Variants in SMIM21 observed in about 807,000 individuals in gnomAD.
The protein encoded by SMIM21 is chromosome 18 open reading frame 62.
Under a neutral mutation model 8.6 loss-of-function variants are expected in SMIM21, and 8 were observed. The ratio of observed to expected loss-of-function variants is 0.93; its 90% CI spans 0.55 to 1.68. The LOEUF is 1.68. SMIM21 is among the 40% of genes most tolerant of loss of function. The probability of loss-of-function intolerance (pLI) is 0.00; values close to 1 mark genes in which losing one functional copy is unlikely to be tolerated. For missense variants in SMIM21, 132 were observed against 123.0 expected (o/e 1.07, Z -0.35); for synonymous variants, 43 against 41.7 (o/e 1.03, Z -0.12).
At chr18:75,422,097 C>T (rs2024714628) in intron 1 of SMIM21, among the ~76,000 whole-genome samples, 1 of 152,128 alleles carries the variant, frequency 6.6e-6, no homozygotes, top group African/African-American at 2.4e-5. Context: ...AGTAGTCCAG[C>T]CAAAGCCGCC....
intron 1 of SMIM21, chr18:75,419,135 T>A (rs1429485194): frequency 2.8e-6 from 1 of 354,528 alleles, no homozygotes; most frequent in Non-Finnish European, 5.1e-6. Context: ...ACTCTTGAGA[T>A]CTGCCGTGTA....
chr18:75,423,794 C>G (rs2024733317), intron 1 of SMIM21, among the ~76,000 whole-genome samples: 1 of 152,164 alleles, frequency 6.6e-6, no homozygotes, highest in Non-Finnish European at 1.5e-5. Context: ...TGGAGTATTT[C>G]TACTGTGATA....
intron 1 of SMIM21, among the ~76,000 whole-genome samples, chr18:75,422,120 C>A (rs528574829): frequency 6.6e-6 from 1 of 152,292 alleles, no homozygotes; most frequent in East Asian, 1.9e-4. Context: ...CCCAGCAGGG[C>A]CACTGGCCCA....
intron 1 of SMIM21, among the ~76,000 whole-genome samples, chr18:75,426,516 A>C (rs1599110961): frequency 2.6e-5 from 4 of 151,796 alleles, no homozygotes. Context: ...TCACTGTGTT[A>C]GCCAGGATAG....
Position 75,411,026 on chromosome 18 carries a change from T to C in SMIM21, c.261-117A>G, listed in dbSNP as rs941681425. The C allele has an allele frequency of 4.2e-6, 6 of 1,418,312 alleles. No individual in the cohort carries two copies. In the African/African-American group the frequency reaches 5.7e-5, roughly 13 times the overall value. 87.9% of individuals were successfully genotyped at this position (1,418,312 alleles called of 1,614,324 possible). A position where few individuals can be genotyped will look rare whatever the true frequency, so the allele number is the denominator to read the frequency against. ...ATGAACACATTTTAAAATTTAATTT[T>C]TCCCCCCAAGATTTTGGAGTGTTTT... On this transcript the variant is annotated intron_variant, in intron 2 of 2. Transcript: ENST00000579022.
chr18:75,411,068 C>T (rs192678402), intron 2 of SMIM21, among the ~76,000 whole-genome samples, 159 bp from the exon 3 acceptor site: 2 of 152,140 alleles, frequency 1.3e-5, no homozygotes, highest in Admixed American at 1.3e-4. Context: ...GAGGATTATA[C>T]TCACCGGAGC....
At chr18:75,419,061 A>T (rs2024682415) in intron 1 of SMIM21, 145 bp from the exon 2 acceptor site, 1 of 491,614 alleles carries the variant, frequency 2.0e-6, no homozygotes, top group African/African-American at 1.9e-5. Flanking sequence ...CAGAAGTAAA[A>T]CCAGAACTGT....
chr18:75,411,025 T>C, intron 2 of SMIM21, 116 bp from the exon 3 acceptor site: 2 of 1,423,248 alleles, frequency 1.4e-6, no homozygotes, highest in South Asian at 2.6e-5. Flanking sequence ...AAATTTAATT[T>C]TTCCCCCCAA....
At chr18:75,416,792 GGTGTCTGGTGTCT>G (rs1207434159) in intron 2 of SMIM21, 1 of 49,462 alleles carries the variant, frequency 2.0e-5, no homozygotes, top group East Asian at 4.1e-3. Flanking sequence ...TACTTAACTT[GGTGTCTGGTGTCT>G]GTGCTGCTTT....
intron 1 of SMIM21, among the ~76,000 whole-genome samples, chr18:75,425,455 T>C (rs979037602): frequency 2.6e-5 from 4 of 152,242 alleles, no homozygotes; most frequent in African/African-American, 9.6e-5. Context: ...CTGTATTGGC[T>C]TTAGAGTCAT....
intron 2 of SMIM21, chr18:75,412,673 G>C (rs998976163): frequency 6.6e-6 from 1 of 152,144 alleles, no homozygotes; most frequent in Non-Finnish European, 1.5e-5. Context: ...CCTGTGCCTT[G>C]AGTCACAGTA....
intron 2 of SMIM21, among the ~76,000 whole-genome samples, chr18:75,411,465 A>T (rs1234319853): frequency 2.6e-5 from 4 of 152,220 alleles, no homozygotes; most frequent in African/African-American, 9.6e-5. Flanking sequence ...ACGAATGATG[A>T]TCCTTGGAAG....
intron 1 of SMIM21, among the ~76,000 whole-genome samples, chr18:75,423,862 A>G (rs553232913): frequency 4.0e-5 from 6 of 150,806 alleles, no homozygotes; most frequent in African/African-American, 9.7e-5. Flanking sequence ...AAAAGTCCAA[A>G]TTTTTTTTTT....
At chr18:75,426,631 TAAAAAAAAAAAAAAAAAAAAAAAA>T (rs777676195) in intron 1 of SMIM21, among the ~76,000 whole-genome samples, 11 of 89,254 alleles carry the variant, frequency 1.2e-4, no homozygotes, top group Non-Finnish European at 1.9e-4. Flanking sequence ...TTTTAAAATG[TAAAAAAAAAAAAAAAAAAAAAAAA>T]AAAAAAAAAA....
intron 1 of SMIM21, among the ~76,000 whole-genome samples, chr18:75,420,112 C>T (rs2144555308): frequency 6.6e-6 from 1 of 152,154 alleles, no homozygotes. Flanking sequence ...GGTCAGGGAT[C>T]CACTGATGAT....
In SMIM21 at chr18:75,410,888, G is replaced by A. The variant is rs1480323016; in HGVS notation, c.282C>T (p.Ser94=). The part of the protein sequence containing the change: ...IFRNFLRLKS[S]RNTAEAE ...TTTATTCTGCTTCTGCTGTGTTCCT[G>A]GATGACTTCAAACGTAGAAAGCTGC... Residue 94 remains serine (S), a synonymous_variant, in exon 3 of 3, where the codon TCC becomes TCT. Coordinates refer to ENST00000579022, the MANE Select transcript of SMIM21 (RefSeq NM_001037331.3). 6 of 1,613,854 alleles carry A rather than the reference G, an allele frequency of 3.7e-6. No homozygotes were observed. Among genetic ancestry groups the A allele is most frequent in the East Asian group, 2.2e-5 (1 of 44,884 alleles).
rs2024561156 is a variant in SMIM21, at chr18:75,409,651, CAAG to C, written c.*1210_*1212del. The C allele has an allele frequency of 7.9e-6, 1 of 126,416 alleles. No individual in the cohort carries two copies. Among genetic ancestry groups the C allele is most frequent in the Non-Finnish European group, 1.6e-5 (1 of 61,436 alleles). 7.8% of individuals were successfully genotyped at this position (126,416 alleles called of 1,614,324 possible). A position where few individuals can be genotyped will look rare whatever the true frequency, so the allele number is the denominator to read the frequency against. On this transcript the variant is annotated 3_prime_UTR_variant, in exon 3 of 3. Coordinates refer to ENST00000579022, the MANE Select transcript of SMIM21 (RefSeq NM_001037331.3). ...CAAAGACAGACTGTTCCATCGGTGA[CAAG>C]AACTCTGTGTGTGTGTGTGTGTGTG... is the stretch of plus-strand genomic sequence containing the variant.
chr18:75,427,574 C>G lies in SMIM21; in HGVS notation c.-11G>C. On this transcript the variant is annotated 5_prime_UTR_variant, in exon 1 of 3. Coordinates refer to ENST00000579022, the MANE Select transcript of SMIM21 (RefSeq NM_001037331.3). The stretch of plus-strand genomic sequence containing the variant: ...CACATACTGGTCCATGTGGGGGCTG[C>G]GGCGGTGACCAGTGAGAGGTCTCCT... 6.3e-7 allele frequency: 1 copy of G among 1,586,790 alleles called. No homozygotes were observed. Among genetic ancestry groups the G allele is most frequent in the Non-Finnish European group, 8.6e-7 (1 of 1,165,276 alleles).
chr18:75,412,452 A>AT, intron 2 of SMIM21: 1 of 152,234 alleles, frequency 6.6e-6, no homozygotes, highest in African/African-American at 2.4e-5. Flanking sequence ...TACTAAGAAT[A>AT]TTTTGCTGCC....
Sources: gnomAD v4.1 joint callset for allele counts (sites outside exome capture counted in the v4.1 genomes callset) on GRCh38, gnomAD v4.1.1 for gene constraint, MANE v1.5 for transcripts, NCBI Gene and HGNC (gene_info 2026-07-23, HGNC 2026-07-21) for gene names.